SNRPB2: variants seen among roughly 807,000 people sequenced by gnomAD.
SNRPB2 encodes the protein small nuclear ribonucleoprotein polypeptide B2.
SNRPB2 carries 16 observed loss-of-function variants against 26.3 expected under a neutral mutation model. The ratio of observed to expected loss-of-function variants is 0.61; its 90% CI spans 0.41 to 0.92. The LOEUF (loss-of-function observed/expected upper bound fraction) is 0.92. Among genes scored for constraint, SNRPB2 ranks in the 40% least tolerant of loss-of-function variants. SNRPB2 has a pLI of 0.00. For synonymous variants in SNRPB2, 75 were observed against 89.0 expected (o/e 0.84, Z 0.88); for missense variants, 179 against 268.1 (o/e 0.67, Z 2.32).
chr20:16,733,691 A>T (rs2072407774), intron 3 of SNRPB2, among the ~76,000 whole-genome samples: 1 of 152,248 alleles, frequency 6.6e-6, no homozygotes, highest in African/African-American at 2.4e-5. Context: ...AGATGAGAAC[A>T]GGCAGTGTTG....
intron 3 of SNRPB2, among the ~76,000 whole-genome samples, chr20:16,735,939 C>T (rs1421855327): frequency 1.3e-5 from 2 of 152,224 alleles, no homozygotes; most frequent in African/African-American, 4.8e-5. Flanking sequence ...AGCTGCGACA[C>T]ATGTCAATGC....
rs2122496751 is a variant in SNRPB2 at position 16,731,676 on chromosome 20, C to T, written c.-27C>T. ...CTTCCTTTTTATAACAGATTTTTTA[C>T]TGTCTCCTGAAGAATTTAACACAAA... is the stretch of plus-strand genomic sequence containing the variant. On this transcript the variant is annotated 5_prime_UTR_variant, in exon 2 of 7. Coordinates refer to ENST00000246071, the MANE Select transcript of SNRPB2 (RefSeq NM_003092.5). The T allele has an allele frequency of 6.2e-7, 1 of 1,609,876 alleles. No homozygotes were observed. Among genetic ancestry groups the T allele is most frequent in the East Asian group, 2.2e-5 (1 of 44,708 alleles).
chr20:16,731,519 C>CT, intron 1 of SNRPB2, 149 bp from the exon 2 acceptor site: 1 of 662,632 alleles, frequency 1.5e-6, no homozygotes, highest in Non-Finnish European at 2.4e-6. Context: ...AAAAGGAGGG[C>CT]TAGTAGGTGC....
chr20:16,730,667 C>T (rs2072383780), intron 1 of SNRPB2: 1 of 152,190 alleles, frequency 6.6e-6, no homozygotes, highest in Non-Finnish European at 1.5e-5. Context: ...TAGGCTCTTC[C>T]CTTGTCAATC....
intron 3 of SNRPB2, among the ~76,000 whole-genome samples, chr20:16,736,095 A>G (rs1368134452): frequency 1.3e-5 from 2 of 152,240 alleles, no homozygotes; most frequent in African/African-American, 2.4e-5. Context: ...AAACAAACCA[A>G]GTATCCTTCA....
chr20:16,737,646 G>A (rs909919227), intron 4 of SNRPB2, among the ~76,000 whole-genome samples: 1 of 152,160 alleles, frequency 6.6e-6, no homozygotes, highest in Non-Finnish European at 1.5e-5. Context: ...TTCGATCATT[G>A]TTTAAAATAT....
Position 16,740,987 on chromosome 20 carries a change from C to A in SNRPB2, c.660C>A (p.Ile220=). ...TCACACCGTCCCATGCTATGAAGAT[C>A]ACCTATGCCAAGAAATAACATTTGG... The part of the protein sequence containing the change: ...FKITPSHAMK[I]TYAKK The change falls in exon 7 of 7, where the codon ATC becomes ATA. Residue 220 remains isoleucine, a synonymous_variant. Transcript: ENST00000246071. 1 of 1,608,836 alleles carries A rather than the reference C, an allele frequency of 6.2e-7. No individual in the cohort carries two copies. The highest frequency in any genetic ancestry group is 8.5e-7 in the Non-Finnish European group (1 of 1,176,416).
chr20:16,735,979 G>A (rs930351331), intron 3 of SNRPB2, among the ~76,000 whole-genome samples: 1 of 152,192 alleles, frequency 6.6e-6, no homozygotes, highest in Non-Finnish European at 1.5e-5. Context: ...TAAGGGGAAG[G>A]CAACTCTCCA....
chr20:16,732,829 A>G (rs1209993110), intron 3 of SNRPB2, among the ~76,000 whole-genome samples: 3 of 152,252 alleles, frequency 2.0e-5, no homozygotes, highest in African/African-American at 7.2e-5. Context: ...TGAAATGGTT[A>G]TGAATGGAGA....
intron 6 of SNRPB2, 57 bp downstream of exon 6, chr20:16,740,470 A>ACTTTTTT: frequency 6.3e-7 from 1 of 1,596,498 alleles, no homozygotes; most frequent in Non-Finnish European, 8.5e-7. Flanking sequence ...GACAAGTAGT[A>ACTTTTTT]CTTCCGTGGG....
chr20:16,736,907 G>A (rs1159976193), intron 3 of SNRPB2, among the ~76,000 whole-genome samples: 2 of 152,204 alleles, frequency 1.3e-5, no homozygotes, highest in Non-Finnish European at 1.5e-5. Context: ...GGATTCCAAA[G>A]CCCGCTGGTG....
chr20:16,740,916 G>A lies in SNRPB2; in HGVS notation c.589G>A (p.Asp197Asn). The change falls in exon 7 of 7, where the codon GAT becomes AAT. Residue 197 changes from aspartate (D) to asparagine (N), a missense_variant. Coordinates refer to ENST00000246071, the MANE Select transcript of SNRPB2 (RefSeq NM_003092.5). ...HDIAFVEFEN[D>N]GQAGAARDAL... The stretch of plus-strand genomic sequence containing the variant: ...CATTGCTTTTGTTGAATTTGAAAAT[G>A]ATGGGCAGGCTGGAGCTGCCAGGGA... The A allele has an allele frequency of 6.2e-7, 1 of 1,611,684 alleles. No individual in the cohort carries two copies. Among genetic ancestry groups the A allele is most frequent in the East Asian group, 2.2e-5 (1 of 44,860 alleles).
rs764416449 is a variant in SNRPB2, at chr20:16,737,272, T to C, written c.249T>C (p.Tyr83=). The part of the protein sequence containing the change: ...PFYGKPMRIQ[Y]AKTDSDIISK... The stretch of plus-strand genomic sequence containing the variant: ...AATAATTAAAACAGCGAATACAGTA[T>C]GCAAAAACAGATTCGGATATAATAT... The change falls in exon 4 of 7, where the codon TAT becomes TAC. Residue 83 remains tyrosine, a synonymous_variant. Coordinates refer to ENST00000246071, the MANE Select transcript of SNRPB2 (RefSeq NM_003092.5). 1.7e-5 allele frequency: 27 copies of C among 1,593,146 alleles called. No individual in the cohort carries two copies. The East Asian group carries it at 5.8e-4, about 34-fold the overall frequency.
rs559631754 is a variant in SNRPB2, at chr20:16,732,054, CTG to C, written c.65-108_65-107del. 83 of 682,984 alleles carry C rather than the reference CTG, an allele frequency of 1.2e-4. No homozygotes were observed. The South Asian group carries it at 1.3e-3, about 10-fold the overall frequency. 42.3% of individuals were successfully genotyped at this position (682,984 alleles called of 1,614,324 possible). A position where few individuals can be genotyped will look rare whatever the true frequency, so the allele number is the denominator to read the frequency against. On this transcript the variant is annotated intron_variant, in intron 2 of 6. Transcript: ENST00000246071. ...TTTTTATAAATATTAAAATATATAA[CTG>C]TATAAATAAGTGAATGGTGGGGGGG...
chr20:16,737,237 C>A, intron 3 of SNRPB2, 24 bp from the exon 4 acceptor site: 1 of 1,552,646 alleles, frequency 6.4e-7, no homozygotes, highest in Non-Finnish European at 8.7e-7. Context: ...TGAGAAGTAA[C>A]CTGTTTTCAA....
chr20:16,733,396 C>T (rs2072405542), intron 3 of SNRPB2, among the ~76,000 whole-genome samples: 1 of 152,236 alleles, frequency 6.6e-6, no homozygotes, highest in African/African-American at 2.4e-5. Flanking sequence ...CAGGGTTTGG[C>T]TCACAGACTG....
intron 3 of SNRPB2, among the ~76,000 whole-genome samples, chr20:16,736,755 G>T (rs996422722): frequency 6.6e-6 from 1 of 152,184 alleles, no homozygotes; most frequent in South Asian, 2.1e-4. Context: ...TTGGCCTCCA[G>T]TGGGCTCTGG....
rs1374442565 is a variant in SNRPB2, at chr20:16,732,324, T to C, written c.225T>C (p.Tyr75=). 3.2e-6 allele frequency: 5 copies of C among 1,566,012 alleles called. No individual in the cohort carries two copies. The highest frequency in any genetic ancestry group is 4.3e-6 in the Non-Finnish European group (5 of 1,156,094). ...GACAGCTACAAGGATTTCCATTTTA[T>C]GGTAAACCAATGGTAAGCCAATTCC... ...ALRQLQGFPF[Y]GKPMRIQYAK... is the part of the protein sequence containing the mutation. The change falls in exon 3 of 7, where the codon TAT becomes TAC. Residue 75 remains tyrosine, a synonymous_variant. Coordinates refer to ENST00000246071, the MANE Select transcript of SNRPB2 (RefSeq NM_003092.5).
chr20:16,741,795 A>G lies in SNRPB2; in HGVS notation c.*790A>G, dbSNP rs1027462290. On this transcript the variant is annotated 3_prime_UTR_variant, in exon 7 of 7. Coordinates refer to ENST00000246071, the MANE Select transcript of SNRPB2 (RefSeq NM_003092.5). The stretch of plus-strand genomic sequence containing the variant: ...GTGCTAAGCTTGCTACTTCTTTGTA[A>G]TTCTTAAACACCAATGTTCAAATAT... The G allele has an allele frequency of 1.3e-5, 2 of 152,196 alleles. No homozygotes were observed. The highest frequency in any genetic ancestry group is 4.8e-5 in the African/African-American group (2 of 41,464). The allele number at this position is 152,196 out of a possible 1,614,324, so 9.4% of individuals were successfully genotyped here. A position where few individuals can be genotyped will look rare whatever the true frequency, so the allele number is the denominator to read the frequency against.
Sources: gnomAD v4.1 joint callset for allele counts (sites outside exome capture counted in the v4.1 genomes callset) on GRCh38, gnomAD v4.1.1 for gene constraint, MANE v1.5 for transcripts, NCBI Gene and HGNC (gene_info 2026-07-23, HGNC 2026-07-21) for gene names.